The following GABRB2 variants were observed in gnomAD, a reference collection of about 807,000 sequenced individuals.
GABRB2 encodes gamma-aminobutyric acid receptor subunit beta-2.
GABRB2 carries 16 observed loss-of-function variants against 54.7 expected under a neutral mutation model. That is an observed-to-expected ratio of 0.29 (90% confidence interval 0.20 to 0.44). GABRB2 has a LOEUF of 0.44. Ranked by LOEUF, GABRB2 falls within the 20% of genes least tolerant of loss-of-function variation. GABRB2 has a pLI of 1.00. For missense variants in GABRB2, 355 were observed against 644.0 expected (o/e 0.55, Z 4.86); for synonymous variants, 244 against 233.8 (o/e 1.04, Z -0.40).
intron 4 of GABRB2, among the ~76,000 whole-genome samples, chr5:161,442,203 T>C (rs1757486376): frequency 6.6e-6 from 1 of 152,206 alleles, no homozygotes; most frequent in Admixed American, 6.5e-5. Flanking sequence ...AAACATCTCA[T>C]GTATCCCATA....
At chr5:161,536,077 A>C (rs1760625527) in intron 3 of GABRB2, among the ~76,000 whole-genome samples, 1 of 152,104 alleles carries the variant, frequency 6.6e-6, no homozygotes, top group African/African-American at 2.4e-5. Flanking sequence ...CAATCTTGAA[A>C]TTTCTAGCCA....
chr5:161,373,485 C>G (rs548291441), intron 5 of GABRB2, among the ~76,000 whole-genome samples: 2 of 152,160 alleles, frequency 1.3e-5, no homozygotes, highest in Non-Finnish European at 2.9e-5. Context: ...ACCCACCTCC[C>G]ACATATTGTT....
chr5:161,524,170 T>C (rs1426594862), intron 3 of GABRB2, among the ~76,000 whole-genome samples: 1 of 151,316 alleles, frequency 6.6e-6, no homozygotes, highest in Non-Finnish European at 1.5e-5. Flanking sequence ...GAGTAGAAAA[T>C]ATTGTATTAA....
At chr5:161,370,907 C>T (rs1755111538) in intron 5 of GABRB2, among the ~76,000 whole-genome samples, 1 of 152,182 alleles carries the variant, frequency 6.6e-6, no homozygotes, top group Admixed American at 6.5e-5. Context: ...GAAAAGTCAG[C>T]AACGACTTTG....
chr5:161,497,771 G>A (rs1003735577), intron 3 of GABRB2, among the ~76,000 whole-genome samples: 1 of 152,062 alleles, frequency 6.6e-6, no homozygotes, highest in African/African-American at 2.4e-5. Context: ...CAAGGTGAGT[G>A]GTAAAGGAGA....
At chr5:161,486,881 C>T (rs528832982) in intron 3 of GABRB2, among the ~76,000 whole-genome samples, 1 of 151,982 alleles carries the variant, frequency 6.6e-6, no homozygotes, top group East Asian at 2.0e-4. Context: ...TTGAACATAG[C>T]TCATGTGCCA....
At chr5:161,418,960 C>T (rs892802235) in intron 4 of GABRB2, among the ~76,000 whole-genome samples, 2 of 152,050 alleles carry the variant, frequency 1.3e-5, no homozygotes, top group Non-Finnish European at 2.9e-5. Flanking sequence ...AATCCTGTCT[C>T]TACAGAAAAT....
At chr5:161,442,499 C>T (rs1279788731) in intron 4 of GABRB2, among the ~76,000 whole-genome samples, 3 of 152,198 alleles carry the variant, frequency 2.0e-5, no homozygotes, top group Admixed American at 1.3e-4. Flanking sequence ...GCTGTCCTCC[C>T]TGTGGAGTTG....
At chr5:161,511,750 G>T (rs1333473832) in intron 3 of GABRB2, among the ~76,000 whole-genome samples, 1 of 151,878 alleles carries the variant, frequency 6.6e-6, no homozygotes, top group Non-Finnish European at 1.5e-5. Context: ...CTAGGCTCAT[G>T]GATGATCATC....
chr5:161,360,490 CTCTCT>C (rs1476993727), intron 5 of GABRB2, among the ~76,000 whole-genome samples: 2 of 152,182 alleles, frequency 1.3e-5, no homozygotes, highest in African/African-American at 4.8e-5. Context: ...TTTTCTCTCT[CTCTCT>C]TCAACAGTCA....
At chr5:161,384,655 G>A (rs141304308) in intron 5 of GABRB2, among the ~76,000 whole-genome samples, 89 of 152,276 alleles carry the variant, frequency 5.8e-4, no homozygotes, top group Admixed American at 1.4e-3. Context: ...TGGCTCTTGG[G>A]ACAGTTAGTA....
At chr5:161,435,336 A>G (rs1269237893) in intron 4 of GABRB2, among the ~76,000 whole-genome samples, 1 of 152,172 alleles carries the variant, frequency 6.6e-6, no homozygotes, top group Non-Finnish European at 1.5e-5. Context: ...AAAACTGCAC[A>G]AAAAGGAATA....
In GABRB2 at chr5:161,404,479, C is replaced by A. The variant is rs114103434; in HGVS notation, c.541+6496G>T. ...CATTATGTGACACCTCCACTTTACA[C>A]CCCCCTTTCACACACACACATAAAC... On this transcript the variant is annotated intron_variant, in intron 5 of 9. Coordinates refer to ENST00000393959, the MANE Select transcript of GABRB2 (RefSeq NM_001371727.1). Among the ~76,000 whole-genome samples, 426 of 152,092 alleles carry A rather than the reference C, an allele frequency of 2.8e-3. 5 individuals are homozygous for A. Among genetic ancestry groups the A allele is most frequent in the African/African-American group, 1.0e-2 (414 of 41,504 alleles).
At chr5:161,339,363 A>C (rs1754085889) in intron 5 of GABRB2, among the ~76,000 whole-genome samples, 1 of 152,104 alleles carries the variant, frequency 6.6e-6, no homozygotes, top group Non-Finnish European at 1.5e-5. Flanking sequence ...CACTTTGTTA[A>C]CTAGACACCA....
chr5:161,480,903 T>C (rs1758743524), intron 3 of GABRB2, among the ~76,000 whole-genome samples: 1 of 152,060 alleles, frequency 6.6e-6, no homozygotes, highest in Middle Eastern at 3.4e-3. Flanking sequence ...TTAAGGAAAA[T>C]GATGGGAAAA....
intron 4 of GABRB2, among the ~76,000 whole-genome samples, chr5:161,438,238 A>T (rs928429571): frequency 6.6e-6 from 1 of 152,250 alleles, no homozygotes; most frequent in Non-Finnish European, 1.5e-5. Context: ...GTAAGGGAAG[A>T]GAACAAGACT....
chr5:161,404,760 C>T (rs1756297125), intron 5 of GABRB2, among the ~76,000 whole-genome samples: 1 of 152,076 alleles, frequency 6.6e-6, no homozygotes, highest in African/African-American at 2.4e-5. Context: ...TCATCTTTTC[C>T]TAAACAGCAT....
chr5:161,359,440 GACACACACAC>G (rs57251440), intron 5 of GABRB2, among the ~76,000 whole-genome samples: 2 of 147,710 alleles, frequency 1.4e-5, no homozygotes, highest in African/African-American at 2.5e-5. Context: ...AATTGCATCT[GACACACACAC>G]ACACACACAC....
chr5:161,327,611 A>C (rs1235318199), intron 8 of GABRB2, among the ~76,000 whole-genome samples: 1 of 152,126 alleles, frequency 6.6e-6, no homozygotes, highest in Non-Finnish European at 1.5e-5. Context: ...TACCAAAAAG[A>C]GGCTGAAAAA....
Sources: gnomAD v4.1 joint callset for allele counts (sites outside exome capture counted in the v4.1 genomes callset) on GRCh38, gnomAD v4.1.1 for gene constraint, MANE v1.5 for transcripts, NCBI Gene and HGNC (gene_info 2026-07-23, HGNC 2026-07-21) for gene names.